The following LEPR variants were observed in gnomAD, a reference collection of about 807,000 sequenced individuals.
LEPR encodes the protein OB receptor.
A neutral mutation model predicts 114.7 loss-of-function variants in LEPR; 56 were observed. The ratio of observed to expected loss-of-function variants is 0.49; its 90% CI spans 0.39 to 0.61. The LOEUF (loss-of-function observed/expected upper bound fraction) is 0.61, where lower values mean the gene tolerates loss of function less well. Ranked by LOEUF, LEPR falls within the 20% of genes least tolerant of loss-of-function variation. The pLI is 0.00. For synonymous variants in LEPR, 443 were observed against 461.4 expected, an observed-to-expected ratio of 0.96 and a Z score of 0.51; for missense variants, 1,202 against 1,352.9, an observed-to-expected ratio of 0.89 and a Z score of 1.75.
intron 8 of LEPR, 114 bp downstream of exon 8, chr1:65,598,918 T>A: frequency 6.8e-7 from 1 of 1,479,594 alleles, no homozygotes; most frequent in Non-Finnish European, 9.2e-7. Flanking sequence ...AGGAACACAG[T>A]ATCAACTTCC....
At chr1:65,613,771 A>AGAAGAAAAG (rs1657347857) in intron 14 of LEPR, among the ~76,000 whole-genome samples, 1 of 150,178 alleles carries the variant, frequency 6.7e-6, no homozygotes, top group African/African-American at 2.5e-5. Context: ...AAAAAAAAAA[A>AGAAGAAAAG]AAAAAAAAAA....
At position 65,637,864 on chromosome 1, in the gene LEPR, A is replaced by T. The variant is rs1658765749; in HGVS notation, c.*849A>T. The T allele has an allele frequency of 6.6e-6, 1 of 152,226 alleles. No individual in the cohort carries two copies. 9.4% of individuals were successfully genotyped at this position (152,226 alleles called of 1,614,324 possible). A position where few individuals can be genotyped will look rare whatever the true frequency, so the allele number is the denominator to read the frequency against. ...CTTAACCCAGTTAATTATTGAAATA[A>T]TTGTATGAGACATCTGTTACTATGA... On this transcript the variant is annotated 3_prime_UTR_variant, in exon 20 of 20. Transcript: ENST00000349533.
At chr1:65,494,611 A>G (rs1648056659) in intron 2 of LEPR, among the ~76,000 whole-genome samples, 1 of 152,188 alleles carries the variant, frequency 6.6e-6, no homozygotes, top group African/African-American at 2.4e-5. Context: ...TTTACTTTAT[A>G]TCATAATGCT....
intron 1 of LEPR, chr1:65,421,236 C>A: frequency 7.4e-7 from 1 of 1,358,234 alleles, no homozygotes; most frequent in Non-Finnish European, 9.7e-7. Flanking sequence ...ATGGAAAGCA[C>A]CCAGAAAGAC....
intron 2 of LEPR, among the ~76,000 whole-genome samples, chr1:65,483,526 G>T (rs1647323554): frequency 1.3e-5 from 2 of 152,066 alleles, no homozygotes; most frequent in African/African-American, 4.8e-5. Context: ...GGCTTGTGTG[G>T]CATCAGCCTG....
At chr1:65,441,610 G>A (rs1570455499) in intron 2 of LEPR, among the ~76,000 whole-genome samples, 1 of 152,172 alleles carries the variant, frequency 6.6e-6, no homozygotes, top group Non-Finnish European at 1.5e-5. Flanking sequence ...CCCACGACAG[G>A]GAAGGGATTT....
chr1:65,550,465 C>T (rs1652220039), intron 2 of LEPR, among the ~76,000 whole-genome samples: 2 of 152,210 alleles, frequency 1.3e-5, no homozygotes, highest in South Asian at 4.1e-4. Flanking sequence ...GTGGTGGGCT[C>T]CACCCAGTTC....
At chr1:65,602,109 A>C (rs1656481899) in intron 10 of LEPR, 149 bp downstream of exon 10, 1 of 749,202 alleles carries the variant, frequency 1.3e-6, no homozygotes, top group Non-Finnish European at 2.4e-6. Flanking sequence ...TTGAGGGATT[A>C]TATAAATTGG....
rs1163124923 is a variant in LEPR, at chr1:65,428,423, G to T, written c.-21+3045G>T. Among the ~76,000 whole-genome samples the T allele has an allele frequency of 3.9e-5, 6 of 152,126 alleles. No homozygotes were observed. The East Asian group carries it at 1.2e-3, about 29-fold the overall frequency. On this transcript the variant is annotated intron_variant, in intron 2 of 19. Transcript: ENST00000349533. ...CTCCTTTCTCACTGTTGAAAGAAGG[G>T]CTTTGAAGTAGAGAATGTCTAAGGG...
chr1:65,461,899 G>A (rs1326918295), intron 2 of LEPR, among the ~76,000 whole-genome samples: 1 of 152,086 alleles, frequency 6.6e-6, no homozygotes, highest in Non-Finnish European at 1.5e-5. Context: ...CAGCCTAATC[G>A]TGAAAAAATC....
chr1:65,626,199 G>C, intron 19 of LEPR: 1 of 1,602,294 alleles, frequency 6.2e-7, no homozygotes, highest in Non-Finnish European at 8.5e-7. Flanking sequence ...GTCCTACCTC[G>C]CTGCCGCACC....
In LEPR at chr1:65,512,286, C is replaced by T. The variant is rs148819695; in HGVS notation, c.-20-53260C>T. Among the ~76,000 whole-genome samples, 17 of 152,280 alleles carry T rather than the reference C, an allele frequency of 1.1e-4. No individual in the cohort carries two copies. In the East Asian group the frequency reaches 3.3e-3, roughly 29 times the overall value. On this transcript the variant is annotated intron_variant, in intron 2 of 19. Transcript: ENST00000349533. Reference sequence around the variant, plus strand: ...CATGATCCAATCACCTCCCTCCAGGCCCCACCTCCAACACTGGGGATTACA... The same window carrying T: ...CATGATCCAATCACCTCCCTCCAGGTCCCACCTCCAACACTGGGGATTACA...
chr1:65,507,519 ATGTGTATATATATG>A (rs1648810871), intron 2 of LEPR, among the ~76,000 whole-genome samples: 1 of 120,090 alleles, frequency 8.3e-6, no homozygotes, highest in Non-Finnish European at 1.8e-5. Context: ...ATACATATAT[ATGTGTATATATATG>A]TGTGTATATA....
intron 2 of LEPR, among the ~76,000 whole-genome samples, chr1:65,544,450 T>C (rs1651490606): frequency 6.6e-6 from 1 of 152,026 alleles, no homozygotes; most frequent in Admixed American, 6.5e-5. Context: ...TCTTGCCTGA[T>C]TTCCCTGGCT....
At chr1:65,518,612 C>T (rs912709169) in intron 2 of LEPR, among the ~76,000 whole-genome samples, 4 of 152,196 alleles carry the variant, frequency 2.6e-5, no homozygotes, top group African/African-American at 9.6e-5. Flanking sequence ...TTTCCTTTTA[C>T]ATCTTACTAT....
chr1:65,482,831 CA>C, intron 2 of LEPR, among the ~76,000 whole-genome samples: 1 of 151,600 alleles, frequency 6.6e-6, no homozygotes, highest in Non-Finnish European at 1.5e-5. Context: ...ACTAAAGATA[CA>C]AAAAAATTAG....
chr1:65,426,245 GTATA>G (rs982597630), intron 2 of LEPR, among the ~76,000 whole-genome samples: 19 of 134,160 alleles, frequency 1.4e-4, no homozygotes, highest in African/African-American at 7.4e-4. Context: ...ACATGAAAGT[GTATA>G]TAGCCTTTTC....
chr1:65,552,147 A>G (rs527894727), intron 2 of LEPR, among the ~76,000 whole-genome samples: 2 of 152,308 alleles, frequency 1.3e-5, no homozygotes, highest in Admixed American at 1.3e-4. Context: ...ATTTTAGAAT[A>G]AGCGCGATGT....
chr1:65,601,554 A>T lies in LEPR; in HGVS notation c.1157A>T (p.Asp386Val), dbSNP rs1364613256. ...CAAAGCCAGTATGATGTTGTGAGTG[A>T]TCATGTTAGCAAAGTTACTTTTTTC... ...IPQSQYDVVS[D>V]HVSKVTFFNL... is the part of the protein sequence containing the mutation. Residue 386 changes from aspartate (D) to valine (V), a missense_variant, in exon 9 of 20, where the codon GAT becomes GTT. Asp to Val is a radical substitution (Grantham distance 152). Transcript: ENST00000349533. 6.2e-7 allele frequency: 1 copy of T among 1,613,690 alleles called. No homozygotes were observed. Among genetic ancestry groups the T allele is most frequent in the African/African-American group, 1.3e-5 (1 of 74,906 alleles).
Sources: allele counts gnomAD v4.1 joint callset (sites outside exome capture counted in the v4.1 genomes callset), GRCh38; gene constraint gnomAD v4.1.1; transcripts MANE v1.5; gene names NCBI Gene and HGNC (gene_info 2026-07-23, HGNC 2026-07-21).